Variants in FNDC3B observed in about 807,000 individuals in gnomAD.
The protein encoded by FNDC3B is fibronectin type III domain containing 3B.
Under a neutral mutation model 151.5 loss-of-function variants are expected in FNDC3B, and 12 were observed. The observed-to-expected ratio is 0.08, with a 90% CI of 0.05 to 0.13. FNDC3B has a LOEUF of 0.13. FNDC3B is among the 10% of genes least tolerant of loss of function. FNDC3B has a pLI of 1.00. For synonymous variants in FNDC3B, 528 were observed against 549.0 expected (o/e 0.96, Z 0.54); for missense variants, 1,214 against 1,505.3 (o/e 0.81, Z 3.20).
intron 4 of FNDC3B, among the ~76,000 whole-genome samples, chr3:172,239,308 G>T (rs1727342713): frequency 6.6e-6 from 1 of 152,114 alleles, no homozygotes; most frequent in African/African-American, 2.4e-5. Context: ...GACCAGCCTT[G>T]TTCTTCTCTT....
intron 1 of FNDC3B, among the ~76,000 whole-genome samples, chr3:172,110,003 C>T (rs913694188): frequency 6.6e-6 from 1 of 152,210 alleles, no homozygotes; most frequent in Non-Finnish European, 1.5e-5. Flanking sequence ...CCTTATCCCA[C>T]ACTTGCAGAA....
At chr3:172,385,417 G>A (rs1371567515) in intron 25 of FNDC3B, among the ~76,000 whole-genome samples, 1 of 152,042 alleles carries the variant, frequency 6.6e-6, no homozygotes, top group Non-Finnish European at 1.5e-5. Context: ...TTGACACTCA[G>A]TAAATGTTTC....
intron 22 of FNDC3B, among the ~76,000 whole-genome samples, chr3:172,354,500 A>AT (rs879535955): frequency 0.015 from 2,203 of 151,148 alleles, 45 homozygotes; most frequent in Middle Eastern, 0.059. Context: ...AACAATAAAA[A>AT]AAAATAATAA....
At chr3:172,091,727 G>A (rs749075681) in intron 1 of FNDC3B, among the ~76,000 whole-genome samples, 1 of 152,140 alleles carries the variant, frequency 6.6e-6, no homozygotes, top group Non-Finnish European at 1.5e-5. Flanking sequence ...TCAAAAGTTG[G>A]CTTTTATTTG....
At chr3:172,254,253 A>G (rs1728225663) in intron 6 of FNDC3B, among the ~76,000 whole-genome samples, 1 of 152,178 alleles carries the variant, frequency 6.6e-6, no homozygotes, top group Non-Finnish European at 1.5e-5. Context: ...CTTGAGGTCT[A>G]GTTCACTCAG....
At chr3:172,373,523 T>G (rs1734982710) in intron 23 of FNDC3B, among the ~76,000 whole-genome samples, 1 of 152,220 alleles carries the variant, frequency 6.6e-6, no homozygotes, top group Non-Finnish European at 1.5e-5. Context: ...AAATGTGTAG[T>G]CTTCAATCAT....
chr3:172,108,041 G>T (rs758255450), intron 1 of FNDC3B, among the ~76,000 whole-genome samples: 3 of 152,072 alleles, frequency 2.0e-5, no homozygotes, highest in Non-Finnish European at 4.4e-5. Flanking sequence ...GGTGGCACGT[G>T]CCTGTAGTCC....
chr3:172,225,458 C>G (rs1726515517), intron 3 of FNDC3B: 2 of 237,982 alleles, frequency 8.4e-6, no homozygotes, highest in African/African-American at 4.6e-5. Context: ...AGCAGTAAGT[C>G]AGACAATATT....
intron 3 of FNDC3B, among the ~76,000 whole-genome samples, chr3:172,173,256 A>G (rs1723371229): frequency 6.6e-6 from 1 of 152,136 alleles, no homozygotes; most frequent in Non-Finnish European, 1.5e-5. Flanking sequence ...CTTCTTTTGG[A>G]CATCTCTCTA....
Position 172,352,732 on chromosome 3 carries a change from C to T in FNDC3B, c.2515-71C>T. On this transcript the variant is annotated intron_variant, in intron 21 of 25. Coordinates refer to ENST00000415807, the MANE Select transcript of FNDC3B (RefSeq NM_022763.4). This position sits in a 1 kb window ranked among gnomAD's most constrained non-coding sequence, Gnocchi z 4.2. Reference sequence around the variant, plus strand: ...GTACTACTTTAGATTTATTTAATGGCAGCTAACTCAGAGGCATCAAAATGT... The same window carrying T: ...GTACTACTTTAGATTTATTTAATGGTAGCTAACTCAGAGGCATCAAAATGT... 6.9e-7 allele frequency: 1 copy of T among 1,442,292 alleles called. No individual in the cohort carries two copies. The highest frequency in any genetic ancestry group is 1.3e-5 in the South Asian group (1 of 77,356). The allele number at this position is 1,442,292 out of a possible 1,614,324, so 89.3% of individuals were successfully genotyped here.
intron 3 of FNDC3B, among the ~76,000 whole-genome samples, chr3:172,133,806 T>C (rs980141996): frequency 6.6e-6 from 1 of 152,214 alleles, no homozygotes; most frequent in African/African-American, 2.4e-5. Context: ...ATTTGGTGGC[T>C]TATAACAACA....
intron 21 of FNDC3B, among the ~76,000 whole-genome samples, chr3:172,351,976 A>G (rs559529): frequency 0.62 from 93,941 of 151,966 alleles, 29,747 homozygotes; most frequent in African/African-American, 0.68. Context: ...GGACTGGGCC[A>G]CCCATCCAAA....
chr3:172,331,291 G>T (rs961574181), intron 13 of FNDC3B, among the ~76,000 whole-genome samples: 13 of 152,194 alleles, frequency 8.5e-5, no homozygotes, highest in African/African-American at 3.1e-4. Context: ...CTGTGTGATT[G>T]GGCTCTCCAT....
chr3:172,389,958 T>G (rs890831747), intron 25 of FNDC3B, among the ~76,000 whole-genome samples: 6 of 152,242 alleles, frequency 3.9e-5, no homozygotes, highest in African/African-American at 1.4e-4. Context: ...TATACCAAAC[T>G]GTCTCTTGCC....
chr3:172,085,596 C>T (rs1372203369), intron 1 of FNDC3B, among the ~76,000 whole-genome samples: 1 of 152,204 alleles, frequency 6.6e-6, no homozygotes, highest in Non-Finnish European at 1.5e-5. Flanking sequence ...AACCACTTCA[C>T]TCATCGACAT....
intron 3 of FNDC3B, among the ~76,000 whole-genome samples, chr3:172,163,984 T>C (rs888330111): frequency 6.6e-6 from 1 of 152,240 alleles, no homozygotes; most frequent in Non-Finnish European, 1.5e-5. Flanking sequence ...AAATTTAATC[T>C]CGCTTGAGTT....
chr3:172,090,449 CAAACAGGG>C (rs954227078), intron 1 of FNDC3B, among the ~76,000 whole-genome samples: 1 of 151,970 alleles, frequency 6.6e-6, no homozygotes, highest in Admixed American at 6.6e-5. Flanking sequence ...AACAAACAAA[CAAACAGGG>C]AGCTGGAGAA....
chr3:172,121,143 G>A (rs1435934896), intron 2 of FNDC3B, among the ~76,000 whole-genome samples: 1 of 152,122 alleles, frequency 6.6e-6, no homozygotes, highest in South Asian at 2.1e-4. Context: ...GTGGTCATCC[G>A]GGTTTGGAAT....
At chr3:172,351,856 A>T (rs1733874179) in intron 21 of FNDC3B, among the ~76,000 whole-genome samples, 1 of 152,118 alleles carries the variant, frequency 6.6e-6, no homozygotes, top group Non-Finnish European at 1.5e-5. Context: ...GAGGGATGGG[A>T]TGGGGATGAG....
Sources: allele counts gnomAD v4.1 joint callset (sites outside exome capture counted in the v4.1 genomes callset), GRCh38; gene constraint gnomAD v4.1.1; non-coding constraint Gnocchi (gnomAD v3.1); transcripts MANE v1.5; gene names NCBI Gene and HGNC (gene_info 2026-07-23, HGNC 2026-07-21).